CPNE4: variants seen among roughly 807,000 people sequenced by gnomAD.
CPNE4 encodes copine 4, also known as copine-4.
CPNE4 carries 25 observed loss-of-function variants against 67.9 expected under a neutral mutation model. That is an observed-to-expected ratio of 0.37 (90% confidence interval 0.27 to 0.51). CPNE4 has a LOEUF of 0.51. CPNE4 is among the 20% of genes least tolerant of loss of function. The pLI, the probability that CPNE4 is intolerant of heterozygous loss-of-function variation, is 0.93. For synonymous variants in CPNE4, 242 were observed against 244.9 expected, an observed-to-expected ratio of 0.99 and a Z score of 0.11; for missense variants, 464 against 690.8, an observed-to-expected ratio of 0.67 and a Z score of 3.68.
At chr3:131,867,583 G>A (rs935306243) in intron 2 of CPNE4, among the ~76,000 whole-genome samples, 2 of 152,094 alleles carry the variant, frequency 1.3e-5, no homozygotes, top group Non-Finnish European at 2.9e-5. Flanking sequence ...CCAGTCCCTT[G>A]TGTTCTCAGA....
chr3:131,808,741 G>T (rs1229611480), intron 2 of CPNE4, among the ~76,000 whole-genome samples: 1 of 152,168 alleles, frequency 6.6e-6, no homozygotes, highest in Non-Finnish European at 1.5e-5. Flanking sequence ...ACTCAGTATT[G>T]AGGTTCTTAG....
At chr3:131,867,042 G>C (rs2086981439) in intron 2 of CPNE4, among the ~76,000 whole-genome samples, 1 of 152,186 alleles carries the variant, frequency 6.6e-6, no homozygotes, top group Non-Finnish European at 1.5e-5. Flanking sequence ...CACAAAGACT[G>C]CAACTACTAG....
At chr3:131,972,254 G>C (rs2072523180) in intron 1 of CPNE4, among the ~76,000 whole-genome samples, 1 of 152,142 alleles carries the variant, frequency 6.6e-6, no homozygotes. Context: ...GCGCACAAAG[G>C]TCTCACTGGC....
chr3:132,033,913 C>A (rs113691726), intron 1 of CPNE4, among the ~76,000 whole-genome samples: 1 of 152,214 alleles, frequency 6.6e-6, no homozygotes, highest in African/African-American at 2.4e-5. Flanking sequence ...TCCCTCCAGT[C>A]CCGTCCCCTG....
At chr3:131,583,882 A>G (rs1317353366) in intron 8 of CPNE4, among the ~76,000 whole-genome samples, 1 of 152,180 alleles carries the variant, frequency 6.6e-6, no homozygotes, top group Non-Finnish European at 1.5e-5. Context: ...TTCCCAGGTC[A>G]TACAGGTAGT....
intron 7 of CPNE4, among the ~76,000 whole-genome samples, chr3:131,665,605 G>A (rs1020079287): frequency 1.3e-5 from 2 of 152,000 alleles, no homozygotes; most frequent in African/African-American, 2.4e-5. Context: ...GTTGTAGTGA[G>A]CCTAGATTGC....
intron 9 of CPNE4, among the ~76,000 whole-genome samples, chr3:131,576,996 C>T (rs1220846907): frequency 6.6e-6 from 1 of 151,762 alleles, no homozygotes; most frequent in Non-Finnish European, 1.5e-5. Flanking sequence ...TGTTTGCTGT[C>T]TATAGGAATT....
chr3:132,011,823 G>C (rs1427228907), intron 1 of CPNE4, among the ~76,000 whole-genome samples: 2 of 152,182 alleles, frequency 1.3e-5, no homozygotes, highest in Non-Finnish European at 2.9e-5. Flanking sequence ...AAGTGTTCCA[G>C]TTAACACATC....
At chr3:131,726,452 G>C (rs753637950) in intron 2 of CPNE4, among the ~76,000 whole-genome samples, 2 of 152,182 alleles carry the variant, frequency 1.3e-5, no homozygotes, top group Non-Finnish European at 2.9e-5. Context: ...TAAGAATCCT[G>C]AATATAACTG....
chr3:131,692,148 T>C (rs1485043729), intron 5 of CPNE4, among the ~76,000 whole-genome samples: 1 of 152,194 alleles, frequency 6.6e-6, no homozygotes, highest in Non-Finnish European at 1.5e-5. Flanking sequence ...AAGCAGTTCA[T>C]ACCCATGACG....
intron 5 of CPNE4, among the ~76,000 whole-genome samples, chr3:131,693,344 G>T: frequency 6.6e-6 from 1 of 152,140 alleles, no homozygotes; most frequent in South Asian, 2.1e-4. Context: ...CTGTTAAATT[G>T]TTAAAATATT....
At chr3:131,615,891 TCA>T (rs746630965) in intron 7 of CPNE4, among the ~76,000 whole-genome samples, 2,253 of 107,494 alleles carry the variant, frequency 0.021, 27 homozygotes, top group Admixed American at 0.07. Flanking sequence ...TCTCTCTCTC[TCA>T]CACACACACA....
At chr3:131,567,965 A>G (rs1316031172) in intron 10 of CPNE4, among the ~76,000 whole-genome samples, 1 of 151,968 alleles carries the variant, frequency 6.6e-6, no homozygotes, top group African/African-American at 2.4e-5. Context: ...CACTTTTCCC[A>G]TGGCAATGGC....
chr3:131,862,085 T>A (rs1445456207), intron 2 of CPNE4, among the ~76,000 whole-genome samples: 2 of 152,198 alleles, frequency 1.3e-5, no homozygotes, highest in Non-Finnish European at 2.9e-5. Context: ...TTATTCTATA[T>A]CCTTTCTTTG....
intron 2 of CPNE4, among the ~76,000 whole-genome samples, chr3:131,797,339 C>T (rs1373891432): frequency 6.6e-6 from 1 of 152,152 alleles, no homozygotes; most frequent in Non-Finnish European, 1.5e-5. Context: ...TACTGGGGCT[C>T]TTTCCATGAT....
At chr3:131,660,848 A>G (rs1226986022) in intron 7 of CPNE4, among the ~76,000 whole-genome samples, 3 of 152,204 alleles carry the variant, frequency 2.0e-5, no homozygotes, top group Non-Finnish European at 4.4e-5. Flanking sequence ...TACTGTGGCT[A>G]TGTGACTGAG....
At chr3:131,817,197 G>A (rs2084775648) in intron 2 of CPNE4, among the ~76,000 whole-genome samples, 1 of 152,096 alleles carries the variant, frequency 6.6e-6, no homozygotes, top group Non-Finnish European at 1.5e-5. Flanking sequence ...GCAGGGTTGG[G>A]GGAAACTGGA....
intron 2 of CPNE4, among the ~76,000 whole-genome samples, chr3:131,904,928 G>A (rs938948713): frequency 6.6e-6 from 1 of 151,910 alleles, no homozygotes; most frequent in Non-Finnish European, 1.5e-5. Context: ...TTCTCACCCC[G>A]GCCCAGTCTG....
chr3:131,944,105 T>G (rs1173510724), intron 1 of CPNE4, among the ~76,000 whole-genome samples: 2 of 152,146 alleles, frequency 1.3e-5, no homozygotes, highest in Non-Finnish European at 2.9e-5. Context: ...CTAGCCGTCA[T>G]CAGCACTAAA....
Sources: allele counts gnomAD v4.1 joint callset (sites outside exome capture counted in the v4.1 genomes callset), GRCh38; gene constraint gnomAD v4.1.1; transcripts MANE v1.5; gene names NCBI Gene and HGNC (gene_info 2026-07-23, HGNC 2026-07-21).